Variants in THSD4 observed in about 807,000 individuals in gnomAD.
THSD4 encodes the protein thrombospondin type-1 domain-containing protein 4.
In THSD4, 69 loss-of-function variants were observed where a neutral mutation model predicts 119.0. The observed-to-expected ratio is 0.58, with a 90% confidence interval of 0.48 to 0.71. THSD4 has a LOEUF of 0.71. Ranked by LOEUF, THSD4 falls within the 30% of genes least tolerant of loss-of-function variation. The pLI is 0.00. For missense variants in THSD4, 1,393 were observed against 1,391.1 expected, an observed-to-expected ratio of 1.00 and a Z score of -0.02; for synonymous variants, 524 against 540.4, an observed-to-expected ratio of 0.97 and a Z score of 0.42.
chr15:71,622,094 T>C (rs2140929183), intron 7 of THSD4, among the ~76,000 whole-genome samples: 1 of 152,350 alleles, frequency 6.6e-6, no homozygotes, highest in Admixed American at 6.5e-5. Context: ...TGCCAAAAGT[T>C]GGGATCAGTT....
At chr15:71,543,506 C>T (rs1423764832) in intron 7 of THSD4, among the ~76,000 whole-genome samples, 2 of 152,002 alleles carry the variant, frequency 1.3e-5, no homozygotes, top group African/African-American at 2.4e-5. Context: ...GATGAAAAAG[C>T]GAGGGAGTGG....
intron 6 of THSD4, among the ~76,000 whole-genome samples, chr15:71,265,498 C>T (rs1346514375): frequency 2.0e-5 from 3 of 152,270 alleles, no homozygotes; most frequent in South Asian, 2.1e-4. Flanking sequence ...ACCACCAGGG[C>T]CCTGGGTTTC....
intron 3 of THSD4, among the ~76,000 whole-genome samples, chr15:71,213,670 G>A (rs2043905880): frequency 1.3e-5 from 2 of 152,200 alleles, no homozygotes; most frequent in African/African-American, 4.8e-5. Context: ...CATGGAGCCT[G>A]GCACAGTAGG....
At chr15:71,651,571 T>C (rs1351944209) in intron 7 of THSD4, among the ~76,000 whole-genome samples, 1 of 152,176 alleles carries the variant, frequency 6.6e-6, no homozygotes, top group Non-Finnish European at 1.5e-5. Flanking sequence ...TCCCCAATGT[T>C]GTAACTCATT....
rs77729626 is a variant in THSD4, at chr15:71,514,101, A to G, written c.1152+102278A>G. On this transcript the variant is annotated intron_variant, in intron 7 of 17. Coordinates refer to ENST00000261862, the MANE Select transcript of THSD4 (RefSeq NM_024817.3). ...GTGAGCCAGTGCTTGAACTCAGGCCAACAGATCTCAGGGCTAGGGCCCCAC... is the reference window on the plus strand; with the variant it reads ...GTGAGCCAGTGCTTGAACTCAGGCCGACAGATCTCAGGGCTAGGGCCCCAC... 1.4e-4 allele frequency among the ~76,000 whole-genome samples: 21 copies of G among 152,346 alleles called. No individual in the cohort carries two copies. In the East Asian group the frequency reaches 4.0e-3, roughly 29 times the overall value.
intron 8 of THSD4, among the ~76,000 whole-genome samples, chr15:71,713,675 G>A (rs144970940): frequency 6.6e-6 from 1 of 152,270 alleles, no homozygotes; most frequent in East Asian, 1.9e-4. Flanking sequence ...GGACATCAAA[G>A]TAGAATTTAG....
chr15:71,658,739 GC>G (rs1249179081), intron 7 of THSD4, among the ~76,000 whole-genome samples: 2 of 152,182 alleles, frequency 1.3e-5, no homozygotes, highest in African/African-American at 4.8e-5. Flanking sequence ...GAAATACATA[GC>G]AAACATGGCA....
Position 71,728,627 on chromosome 15 carries a change from G to A in THSD4, c.1436G>A (p.Gly479Glu). The A allele has an allele frequency of 6.2e-7, 1 of 1,614,134 alleles. No individual in the cohort carries two copies. The highest frequency in any genetic ancestry group is 8.5e-7 in the Non-Finnish European group (1 of 1,180,040). ...CGACCAGGAAAATACGAGGGCGGAG[G>A]GACCATGTTCACCTACAAGCGTCCA... ...IDRPGKYEGG[G>E]TMFTYKRPNE... Residue 479 changes from glycine (G) to glutamate (E), a missense_variant, in exon 9 of 18, where the codon GGG becomes GAG. Gly to Glu is a moderately conservative substitution (Grantham distance 98). Transcript: ENST00000261862.
intron 7 of THSD4, among the ~76,000 whole-genome samples, chr15:71,524,507 G>A (rs1208975556): frequency 1.3e-5 from 2 of 151,700 alleles, no homozygotes; most frequent in East Asian, 3.9e-4. Context: ...AGGAAAGAGT[G>A]CTGTAAATGA....
chr15:71,223,387 A>G (rs887771702), intron 4 of THSD4, among the ~76,000 whole-genome samples: 2 of 152,178 alleles, frequency 1.3e-5, no homozygotes, highest in African/African-American at 4.8e-5. Flanking sequence ...TTTCTCTAAT[A>G]TTTATCCCAA....
chr15:71,199,871 GTGTGTGTGGTGCATGTGTGGTA>G (rs1414654315), intron 3 of THSD4, among the ~76,000 whole-genome samples: 121 of 49,966 alleles, frequency 2.4e-3, no homozygotes, highest in Admixed American at 0.021. Flanking sequence ...TGGGGTGTGT[GTGTGTGTGGTGCATGTGTGGTA>G]TGTGTGTGTG....
At chr15:71,585,248 G>A (rs2049642282) in intron 7 of THSD4, among the ~76,000 whole-genome samples, 1 of 152,048 alleles carries the variant, frequency 6.6e-6, no homozygotes, top group African/African-American at 2.4e-5. Flanking sequence ...AACTCTGTTT[G>A]GTATTTCTTG....
At chr15:71,473,474 C>T (rs540632934) in intron 7 of THSD4, among the ~76,000 whole-genome samples, 9 of 152,286 alleles carry the variant, frequency 5.9e-5, no homozygotes, top group South Asian at 2.1e-4. Context: ...TTGGAGTTGT[C>T]GCTGTTTCTG....
At chr15:71,726,268 G>T in intron 8 of THSD4, among the ~76,000 whole-genome samples, 1 of 152,218 alleles carries the variant, frequency 6.6e-6, no homozygotes, top group South Asian at 2.1e-4. Flanking sequence ...GAGTCTGCAG[G>T]GGGAGCCCAG....
intron 7 of THSD4, among the ~76,000 whole-genome samples, chr15:71,619,221 C>A (rs1481712495): frequency 2.0e-5 from 3 of 152,142 alleles, no homozygotes; most frequent in African/African-American, 7.2e-5. Flanking sequence ...ATCCACCTAC[C>A]TCAGCCTCCC....
intron 8 of THSD4, among the ~76,000 whole-genome samples, chr15:71,709,278 G>A (rs2052459511): frequency 6.6e-6 from 1 of 152,168 alleles, no homozygotes; most frequent in South Asian, 2.1e-4. Context: ...TGGTTTTCTG[G>A]TTGTCGTTAG....
intron 8 of THSD4, among the ~76,000 whole-genome samples, chr15:71,705,204 C>T (rs542112400): frequency 3.3e-5 from 5 of 152,278 alleles, no homozygotes; most frequent in African/African-American, 9.6e-5. Flanking sequence ...GATGGGCACC[C>T]GGAGCCAGCC....
At chr15:71,639,788 TG>T (rs2050818648) in intron 7 of THSD4, among the ~76,000 whole-genome samples, 1 of 151,722 alleles carries the variant, frequency 6.6e-6, no homozygotes, top group Admixed American at 6.6e-5. Flanking sequence ...CTCTTATCCC[TG>T]ATTTCTTACA....
intron 7 of THSD4, among the ~76,000 whole-genome samples, chr15:71,427,499 G>T (rs997858422): frequency 6.6e-6 from 1 of 151,180 alleles, no homozygotes; most frequent in African/African-American, 2.4e-5. Context: ...TTAGGTGAAG[G>T]TCTCCAGGGA....
Sources: allele counts gnomAD v4.1 joint callset (sites outside exome capture counted in the v4.1 genomes callset), GRCh38; gene constraint gnomAD v4.1.1; transcripts MANE v1.5; gene names NCBI Gene and HGNC (gene_info 2026-07-23, HGNC 2026-07-21).